The following TMTC2 variants were observed in gnomAD, a reference collection of about 807,000 sequenced individuals.
TMTC2 encodes protein O-mannosyl-transferase TMTC2.
TMTC2 carries 43 observed loss-of-function variants against 82.4 expected under a neutral mutation model. That is an observed-to-expected ratio of 0.52 (90% CI 0.41 to 0.67). The LOEUF (loss-of-function observed/expected upper bound fraction) is 0.67, where lower values mean the gene tolerates loss of function less well. Ranked by LOEUF, TMTC2 falls within the 30% of genes least tolerant of loss-of-function variation. The pLI is 0.00. For missense variants in TMTC2, 919 were observed against 1,012.4 expected, an observed-to-expected ratio of 0.91 and a Z score of 1.25; for synonymous variants, 408 against 381.9, an observed-to-expected ratio of 1.07 and a Z score of -0.80.
At chr12:82,729,216 T>C (rs1874631939) in intron 1 of TMTC2, among the ~76,000 whole-genome samples, 1 of 152,212 alleles carries the variant, frequency 6.6e-6, no homozygotes, top group Admixed American at 6.5e-5. Context: ...AGAACCTTTA[T>C]GTCTAGCTAA....
intron 2 of TMTC2, among the ~76,000 whole-genome samples, chr12:82,872,979 C>T (rs1044178108): frequency 6.6e-6 from 1 of 152,134 alleles, no homozygotes; most frequent in African/African-American, 2.4e-5. Flanking sequence ...TGAATATTTA[C>T]AGTAACTGGA....
At chr12:82,762,750 A>C (rs1043533995) in intron 1 of TMTC2, among the ~76,000 whole-genome samples, 2 of 152,232 alleles carry the variant, frequency 1.3e-5, no homozygotes, top group African/African-American at 4.8e-5. Flanking sequence ...AAATACTGTG[A>C]ATTTTAAAAG....
At chr12:82,892,024 C>T (rs781077801) in intron 2 of TMTC2, among the ~76,000 whole-genome samples, 3 of 152,078 alleles carry the variant, frequency 2.0e-5, no homozygotes, top group Non-Finnish European at 4.4e-5. Context: ...CATGATTGTA[C>T]CACTGCACTC....
chr12:82,706,873 AAG>A (rs1873385963), intron 1 of TMTC2, among the ~76,000 whole-genome samples: 1 of 152,276 alleles, frequency 6.6e-6, no homozygotes, highest in South Asian at 2.1e-4. Flanking sequence ...CTTAATGAGT[AAG>A]AGGAGGAGAG....
chr12:82,788,931 C>T (rs1878318742), intron 1 of TMTC2, among the ~76,000 whole-genome samples: 1 of 152,024 alleles, frequency 6.6e-6, no homozygotes. Flanking sequence ...TTTGGGAGGC[C>T]AAAGCAGAGG....
intron 7 of TMTC2, among the ~76,000 whole-genome samples, chr12:82,982,743 GA>G (rs1320127441): frequency 1.3e-5 from 2 of 151,966 alleles, no homozygotes; most frequent in African/African-American, 4.8e-5. Context: ...GTGAGAAACA[GA>G]GAGCATAATT....
chr12:82,794,501 A>G (rs908511473), intron 1 of TMTC2, among the ~76,000 whole-genome samples: 1 of 151,948 alleles, frequency 6.6e-6, no homozygotes, highest in African/African-American at 2.4e-5. Context: ...AATCTTATGA[A>G]TTTTGCTGGT....
At chr12:82,823,049 T>G (rs1015118516) in intron 1 of TMTC2, among the ~76,000 whole-genome samples, 1 of 152,224 alleles carries the variant, frequency 6.6e-6, no homozygotes, top group African/African-American at 2.4e-5. Flanking sequence ...TCTGAGCACT[T>G]TTAACTTTTA....
At chr12:82,749,739 CTTT>C (rs71068950) in intron 1 of TMTC2, among the ~76,000 whole-genome samples, 5 of 127,130 alleles carry the variant, frequency 3.9e-5, no homozygotes, top group Non-Finnish European at 3.2e-5. Flanking sequence ...TTCTTTCTTT[CTTT>C]TTTTTTTTTT....
At chr12:83,058,216 C>G (rs374413732) in intron 10 of TMTC2, among the ~76,000 whole-genome samples, 1 of 151,732 alleles carries the variant, frequency 6.6e-6, no homozygotes, top group Non-Finnish European at 1.5e-5. Flanking sequence ...TTCCGCAGTA[C>G]GCAAATGATG....
At chr12:83,036,236 G>C (rs527382564) in intron 9 of TMTC2, among the ~76,000 whole-genome samples, 1 of 152,142 alleles carries the variant, frequency 6.6e-6, no homozygotes, top group South Asian at 2.1e-4. Flanking sequence ...ACACAGTAGA[G>C]AATAAGACCA....
chr12:82,986,361 T>A (rs1232412264), intron 8 of TMTC2: 2 of 231,806 alleles, frequency 8.6e-6, no homozygotes, highest in African/African-American at 4.4e-5. Context: ...ACATCTCCTG[T>A]ATCCCATAAA....
intron 3 of TMTC2, among the ~76,000 whole-genome samples, chr12:82,914,650 T>A (rs1454219998): frequency 6.6e-6 from 1 of 152,040 alleles, no homozygotes; most frequent in African/African-American, 2.4e-5. Flanking sequence ...ATAGGGCAGA[T>A]TTACTATAAA....
At chr12:82,939,433 G>A (rs1317213549) in intron 4 of TMTC2, among the ~76,000 whole-genome samples, 1 of 152,032 alleles carries the variant, frequency 6.6e-6, no homozygotes, top group African/African-American at 2.4e-5. Flanking sequence ...ATGACCATTT[G>A]CAGCCTAATA....
intron 1 of TMTC2, among the ~76,000 whole-genome samples, chr12:82,829,051 A>T (rs1270198304): frequency 6.6e-6 from 1 of 152,180 alleles, no homozygotes; most frequent in African/African-American, 2.4e-5. Flanking sequence ...GAAATAACTA[A>T]TGATGTTTTT....
intron 1 of TMTC2, among the ~76,000 whole-genome samples, chr12:82,805,045 C>T (rs117194005): frequency 0.011 from 1,713 of 152,176 alleles, 32 homozygotes; most frequent in Non-Finnish European, 0.017. Context: ...TAACATGAGG[C>T]GTCCACCCTA....
chr12:82,962,159 T>G (rs929346746), intron 4 of TMTC2, among the ~76,000 whole-genome samples: 1 of 152,100 alleles, frequency 6.6e-6, no homozygotes, highest in East Asian at 1.9e-4. Flanking sequence ...TTTGTATATT[T>G]TATGAATTGG....
chr12:83,018,663 G>GTT (rs60811291), intron 8 of TMTC2, among the ~76,000 whole-genome samples: 4,320 of 143,384 alleles, frequency 0.03, 118 homozygotes, highest in African/African-American at 0.059. Context: ...AAATTTGCGG[G>GTT]TTTTTTTTTT....
Position 83,113,401 on chromosome 12 carries a change from A to G in TMTC2, c.2332-18809A>G, listed in dbSNP as rs543082674. 2.0e-5 allele frequency among the ~76,000 whole-genome samples: 3 copies of G among 152,326 alleles called. No homozygotes were observed. In the East Asian group the frequency reaches 5.8e-4, roughly 29 times the overall value. ...TAAAAACTTTAACTTAGGAGATGCT[A>G]GATGCAGGCCGATTGTGGCAATTTC... On this transcript the variant is annotated intron_variant, in intron 11 of 11. Transcript: ENST00000321196.
Sources: allele counts gnomAD v4.1 joint callset (sites outside exome capture counted in the v4.1 genomes callset), GRCh38; gene constraint gnomAD v4.1.1; transcripts MANE v1.5; gene names NCBI Gene and HGNC (gene_info 2026-07-23, HGNC 2026-07-21).